Variants in TSHZ3 observed in about 807,000 individuals in gnomAD.
TSHZ3 encodes teashirt zinc finger homeobox 3, also known as teashirt homolog 3.
TSHZ3 carries 10 observed loss-of-function variants against 64.5 expected under a neutral mutation model. That is an observed-to-expected ratio of 0.16 (90% confidence interval 0.10 to 0.26). The LOEUF is 0.26. Among genes scored for constraint, TSHZ3 ranks in the 10% least tolerant of loss-of-function variants. The probability of loss-of-function intolerance (pLI) is 1.00; values close to 1 mark genes in which losing one functional copy is unlikely to be tolerated. For synonymous variants in TSHZ3, 608 were observed against 593.1 expected (o/e 1.03, Z -0.36); for missense variants, 1,242 against 1,421.7 (o/e 0.87, Z 2.03).
At chr19:31,151,921 T>C (rs1471937970) in intron 6 of TSHZ3, among the ~76,000 whole-genome samples, 2 of 152,198 alleles carry the variant, frequency 1.3e-5, no homozygotes, top group African/African-American at 4.8e-5. Context: ...TAATTTAAAG[T>C]GGTGACAATA....
Position 31,277,415 on chromosome 19 carries a change from G to C in TSHZ3, c.2378C>G (p.Thr793Arg). The C allele has an allele frequency of 6.2e-7, 1 of 1,614,138 alleles. No individual in the cohort carries two copies. Among genetic ancestry groups the C allele is most frequent in the South Asian group, 1.1e-5 (1 of 91,070 alleles). Residue 793 changes from threonine (T) to arginine (R), a missense_variant, in exon 2 of 2, where the codon ACA becomes AGA. By Grantham distance (71) the Thr-to-Arg change is moderately conservative. Coordinates refer to ENST00000240587, the MANE Select transcript of TSHZ3 (RefSeq NM_020856.4). This position sits in a 1 kb window ranked among gnomAD's most constrained non-coding sequence, Gnocchi z 4.5. ...HVNNDQPIDL[T>R]KGKSDKGCSL... The stretch of plus-strand genomic sequence containing the variant: ...GCAGCCTTTGTCACTCTTCCCTTTT[G>C]TCAAGTCTATGGGCTGGTCGTTGTT...
chr19:31,180,418 C>T (rs1974694808), intron 5 of TSHZ3, among the ~76,000 whole-genome samples: 1 of 152,138 alleles, frequency 6.6e-6, no homozygotes, highest in African/African-American at 2.4e-5. Context: ...GTGCACGTTT[C>T]CTCACATCTA....
Position 31,278,095 on chromosome 19 carries a change from C to A in TSHZ3, c.1698G>T (p.Ser566=). ...LPNMMKLSLG[S]SGKSTPLKPM... ...GTTTCAGGGGCGTGCTCTTCCCCGACGAGCCCAGGGACAACTTCATCATGT... is the reference window on the plus strand; with the variant it reads ...GTTTCAGGGGCGTGCTCTTCCCCGAAGAGCCCAGGGACAACTTCATCATGT... The change falls in exon 2 of 2, where the codon TCG becomes TCT. Residue 566 remains serine (S), a synonymous_variant. Coordinates refer to ENST00000240587, the MANE Select transcript of TSHZ3 (RefSeq NM_020856.4). This position sits in a 1 kb window ranked among gnomAD's most constrained non-coding sequence, Gnocchi z 4.7. 1.9e-6 allele frequency: 3 copies of A among 1,614,152 alleles called. No homozygotes were observed. The highest frequency in any genetic ancestry group is 2.5e-6 in the Non-Finnish European group (3 of 1,180,020).
chr19:31,291,368 G>A (rs1052372542), intron 1 of TSHZ3, among the ~76,000 whole-genome samples: 11 of 152,114 alleles, frequency 7.2e-5, no homozygotes, highest in African/African-American at 2.2e-4. Flanking sequence ...TTGTACCACC[G>A]TCTAGCAGCT....
At chr19:31,267,174 G>T (rs944038990) in intron 1 of TSHZ3, among the ~76,000 whole-genome samples, 1 of 152,126 alleles carries the variant, frequency 6.6e-6, no homozygotes. Context: ...TCTTGTTCTT[G>T]ATGACAACAC....
chr19:31,269,979 CA>C (rs1241969032), downstream of TSHZ3, among the ~76,000 whole-genome samples: 2 of 152,190 alleles, frequency 1.3e-5, no homozygotes, highest in African/African-American at 4.8e-5. Flanking sequence ...AAGAACAGCA[CA>C]GGGACCGCCT....
downstream of TSHZ3, among the ~76,000 whole-genome samples, chr19:31,274,351 C>G (rs1165836671): frequency 6.6e-6 from 1 of 152,108 alleles, no homozygotes; most frequent in Non-Finnish European, 1.5e-5. Context: ...TATAAATGCT[C>G]TCCCCCTCCT....
chr19:31,230,487 T>G (rs1238500168), intron 3 of TSHZ3, among the ~76,000 whole-genome samples: 5 of 152,118 alleles, frequency 3.3e-5, no homozygotes, highest in Non-Finnish European at 7.3e-5. Context: ...ACATTAACTT[T>G]TATTTAAATC....
chr19:31,170,865 T>C (rs139351077), intron 5 of TSHZ3, among the ~76,000 whole-genome samples: 2 of 152,306 alleles, frequency 1.3e-5, no homozygotes, highest in East Asian at 3.9e-4. Flanking sequence ...AGTCAGAGAA[T>C]ATACAAACAA....
chr19:31,157,705 T>C (rs953287058), intron 5 of TSHZ3, among the ~76,000 whole-genome samples: 1 of 152,242 alleles, frequency 6.6e-6, no homozygotes, highest in African/African-American at 2.4e-5. Context: ...GGTGTCAACC[T>C]ATTTCATGAT....
chr19:31,187,240 A>G (rs1282950564), intron 5 of TSHZ3, among the ~76,000 whole-genome samples: 2 of 152,212 alleles, frequency 1.3e-5, no homozygotes, highest in African/African-American at 4.8e-5. Context: ...ATAAATAAAC[A>G]GAACACCATA....
intron 1 of TSHZ3, among the ~76,000 whole-genome samples, chr19:31,245,437 T>G (rs943821193): frequency 6.6e-6 from 1 of 152,222 alleles, no homozygotes; most frequent in African/African-American, 2.4e-5. Context: ...GAAATATTGA[T>G]GCTTACAAGG....
intron 3 of TSHZ3, among the ~76,000 whole-genome samples, chr19:31,239,298 GTAATT>G (rs1975660241): frequency 1.3e-5 from 2 of 151,946 alleles, no homozygotes; most frequent in Non-Finnish European, 2.9e-5. Context: ...TTTATTATGA[GTAATT>G]TAAATAAATT....
chr19:31,208,509 A>G (rs757853815), intron 4 of TSHZ3, among the ~76,000 whole-genome samples: 1 of 152,216 alleles, frequency 6.6e-6, no homozygotes, highest in Non-Finnish European at 1.5e-5. Context: ...TAGAAGAAAC[A>G]ATGAATTGTG....
chr19:31,204,432 T>A (rs1327410008), intron 5 of TSHZ3, among the ~76,000 whole-genome samples: 1 of 151,408 alleles, frequency 6.6e-6, no homozygotes, highest in African/African-American at 2.4e-5. Flanking sequence ...CCCTCTCTCC[T>A]TCTTTCTTTC....
chr19:31,227,491 T>C (rs908381730), intron 4 of TSHZ3, among the ~76,000 whole-genome samples: 10 of 152,076 alleles, frequency 6.6e-5, no homozygotes, highest in African/African-American at 2.4e-4. Context: ...GGGCCAACTC[T>C]GCCACCAAAC....
At chr19:31,222,092 C>T (rs1010735484) in intron 4 of TSHZ3, among the ~76,000 whole-genome samples, 4 of 152,186 alleles carry the variant, frequency 2.6e-5, no homozygotes, top group African/African-American at 7.2e-5. Context: ...GGTCTTTACC[C>T]TTCCCATCCA....
chr19:31,244,172 T>C (rs1451183952), intron 1 of TSHZ3, among the ~76,000 whole-genome samples: 1 of 152,140 alleles, frequency 6.6e-6, no homozygotes, highest in Non-Finnish European at 1.5e-5. Flanking sequence ...TAATGCCCAG[T>C]GTTGGAGGTG....
intron 1 of TSHZ3, among the ~76,000 whole-genome samples, chr19:31,268,649 C>T (rs965322360): frequency 3.9e-5 from 6 of 152,064 alleles, no homozygotes; most frequent in Non-Finnish European, 7.4e-5. Context: ...GAGAAAGACA[C>T]AAAAAGAAAG....
Sources: gnomAD v4.1 joint callset for allele counts (sites outside exome capture counted in the v4.1 genomes callset) on GRCh38, gnomAD v4.1.1 for gene constraint, Gnocchi (gnomAD v3.1) non-coding constraint, MANE v1.5 for transcripts, NCBI Gene and HGNC (gene_info 2026-07-23, HGNC 2026-07-21) for gene names.